Variants in WWOX observed in about 807,000 individuals in gnomAD.
The protein encoded by WWOX is WW domain containing oxidoreductase, also known as WW domain-containing oxidoreductase.
Under a neutral mutation model 46.2 loss-of-function variants are expected in WWOX, and 69 were observed. That is an observed-to-expected ratio of 1.49 (90% CI 1.23 to 1.82). WWOX has a LOEUF of 1.82. Among genes scored for constraint, WWOX ranks in the 40% most tolerant of loss-of-function variants. The probability of loss-of-function intolerance (pLI) is 0.00; values close to 1 mark genes in which losing one functional copy is unlikely to be tolerated. For synonymous variants in WWOX, 359 were observed against 202.6 expected (o/e 1.77, Z -6.56); for missense variants, 919 against 542.6 (o/e 1.69, Z -6.89).
At chr16:78,677,514 C>G (rs1164796177) in intron 8 of WWOX, among the ~76,000 whole-genome samples, 6 of 152,172 alleles carry the variant, frequency 3.9e-5, no homozygotes, top group Non-Finnish European at 1.5e-5. Flanking sequence ...GTTCTGTGGT[C>G]AGTTACTCAT....
chr16:78,993,392 C>G (rs967437550), intron 8 of WWOX, among the ~76,000 whole-genome samples: 3 of 152,092 alleles, frequency 2.0e-5, no homozygotes, highest in Non-Finnish European at 4.4e-5. Context: ...GGTAATGTGT[C>G]ATTAACTGGG....
intron 8 of WWOX, among the ~76,000 whole-genome samples, chr16:78,604,474 C>G (rs185380248): frequency 1.5e-4 from 23 of 152,154 alleles, no homozygotes; most frequent in Admixed American, 1.4e-3. Flanking sequence ...CTGTTAAATC[C>G]CAGAGGTCCG....
Position 78,432,608 on chromosome 16 carries a change from C to T in WWOX, c.912C>T (p.Ser304=), listed in dbSNP as rs745464578. 18 of 1,614,226 alleles carry T rather than the reference C, an allele frequency of 1.1e-5. No homozygotes were observed. Among genetic ancestry groups the T allele is most frequent in the Non-Finnish European group, 1.7e-6 (2 of 1,180,048 alleles). The change falls in exon 8 of 9, where the codon TCC becomes TCT. Residue 304 remains serine, a synonymous_variant. Coordinates refer to ENST00000566780, the MANE Select transcript of WWOX (RefSeq NM_016373.4). ...CCAAGCTCTGCAACATCCTCTTCTC[C>T]AACGAGCTGCACCGTCGCCTCTCCC... is the stretch of plus-strand genomic sequence containing the variant. ...NRSKLCNILF[S]NELHRRLSPR...
intron 8 of WWOX, among the ~76,000 whole-genome samples, chr16:78,866,826 T>C (rs1208339393): frequency 6.6e-6 from 1 of 152,224 alleles, no homozygotes; most frequent in African/African-American, 2.4e-5. Flanking sequence ...TACTGGCCTT[T>C]CCAGTTTTTC....
intron 8 of WWOX, among the ~76,000 whole-genome samples, chr16:78,958,595 C>A (rs2046215323): frequency 6.6e-6 from 1 of 152,136 alleles, no homozygotes; most frequent in Admixed American, 6.5e-5. Context: ...ACAGTGCTGC[C>A]CCTCTCTCCC....
At chr16:78,743,991 T>C (rs56406312) in intron 8 of WWOX, among the ~76,000 whole-genome samples, 16,165 of 152,236 alleles carry the variant, frequency 0.11, 961 homozygotes, top group Non-Finnish European at 0.12. Context: ...GTTTCATTCT[T>C]TCCTTGCTTT....
At chr16:78,827,723 C>G (rs1317905612) in intron 8 of WWOX, among the ~76,000 whole-genome samples, 1 of 151,756 alleles carries the variant, frequency 6.6e-6, no homozygotes. Context: ...TGTCTGTTAT[C>G]CCAGCTACTT....
rs866628972 is a variant in WWOX, at chr16:78,966,164, T to C, written c.1057-245444T>C. On this transcript the variant is annotated intron_variant, in intron 8 of 8. Coordinates refer to ENST00000566780, the MANE Select transcript of WWOX (RefSeq NM_016373.4). ...AACTTAGATATTAAATCCCATGATATAATTTATTTTTCCGTGTGAAATATC... is the reference window on the plus strand; with the variant it reads ...AACTTAGATATTAAATCCCATGATACAATTTATTTTTCCGTGTGAAATATC... 5.3e-5 allele frequency among the ~76,000 whole-genome samples: 8 copies of C among 152,332 alleles called. No homozygotes were observed. In the South Asian group the frequency reaches 1.4e-3, roughly 28 times the overall value.
intron 8 of WWOX, among the ~76,000 whole-genome samples, chr16:78,461,442 T>C (rs1476259029): frequency 2.0e-5 from 3 of 152,204 alleles, no homozygotes; most frequent in African/African-American, 4.8e-5. Context: ...ATTCTGGGCA[T>C]GAGAAACCCA....
At chr16:79,138,405 A>T (rs2050024543) in intron 8 of WWOX, among the ~76,000 whole-genome samples, 1 of 152,004 alleles carries the variant, frequency 6.6e-6, no homozygotes, top group Non-Finnish European at 1.5e-5. Flanking sequence ...TTTGACTTAG[A>T]TTTTCTGCCA....
chr16:78,711,671 G>A (rs554800806), intron 8 of WWOX, among the ~76,000 whole-genome samples: 21 of 152,268 alleles, frequency 1.4e-4, no homozygotes, highest in African/African-American at 4.3e-4. Flanking sequence ...CAGGCCAAAT[G>A]AAAGAACCTT....
intron 8 of WWOX, among the ~76,000 whole-genome samples, chr16:78,864,480 G>A (rs1019772532): frequency 5.9e-5 from 9 of 152,034 alleles, no homozygotes; most frequent in African/African-American, 2.2e-4. Context: ...TGTTGCCAAG[G>A]CTGATCTTAC....
At chr16:78,741,623 G>C (rs2049230502) in intron 8 of WWOX, among the ~76,000 whole-genome samples, 1 of 152,290 alleles carries the variant, frequency 6.6e-6, no homozygotes, top group East Asian at 1.9e-4. Context: ...GGGAGGCTGA[G>C]GTGGGTGGAT....
At chr16:78,999,178 A>G (rs1381193261) in intron 8 of WWOX, among the ~76,000 whole-genome samples, 1 of 149,944 alleles carries the variant, frequency 6.7e-6, no homozygotes, top group African/African-American at 2.5e-5. Context: ...TCTTCTAAGG[A>G]TGGCTGCATC....
At position 78,765,198 on chromosome 16, in the gene WWOX, A is replaced by G. The variant is rs563116541; in HGVS notation, c.1056+332446A>G. On this transcript the variant is annotated intron_variant, in intron 8 of 8. Transcript: ENST00000566780. ...GATTGGGGTGGGATATGTGACAACA[A>G]AGGCATCCCTGGCAGAGGATCCAGC... is the stretch of plus-strand genomic sequence containing the variant. Among the ~76,000 whole-genome samples the G allele has an allele frequency of 7.2e-5, 11 of 152,340 alleles. No homozygotes were observed. The East Asian group carries it at 1.7e-3, about 24-fold the overall frequency.
intron 8 of WWOX, among the ~76,000 whole-genome samples, chr16:78,975,209 A>G (rs1432181459): frequency 6.6e-6 from 1 of 152,218 alleles, no homozygotes; most frequent in Non-Finnish European, 1.5e-5. Context: ...AATTAGCCTC[A>G]TCTGGTTCAA....
At chr16:78,799,519 C>A (rs1189312943) in intron 8 of WWOX, among the ~76,000 whole-genome samples, 1 of 152,138 alleles carries the variant, frequency 6.6e-6, no homozygotes, top group Non-Finnish European at 1.5e-5. Context: ...CATCACATGT[C>A]ATTTTAGACC....
intron 8 of WWOX, among the ~76,000 whole-genome samples, chr16:79,110,497 A>T (rs1409178802): frequency 5.9e-5 from 9 of 152,192 alleles, no homozygotes; most frequent in Admixed American, 5.9e-4. Context: ...CTCTGCTAGA[A>T]TATCTGACCC....
intron 7 of WWOX, among the ~76,000 whole-genome samples, chr16:78,431,200 T>C (rs1035555735): frequency 2.6e-5 from 4 of 152,210 alleles, no homozygotes; most frequent in Non-Finnish European, 4.4e-5. Flanking sequence ...CAGACCCAAT[T>C]ATAAAGCATC....
Sources: allele counts gnomAD v4.1 joint callset (sites outside exome capture counted in the v4.1 genomes callset), GRCh38; gene constraint gnomAD v4.1.1; transcripts MANE v1.5; gene names NCBI Gene and HGNC (gene_info 2026-07-23, HGNC 2026-07-21).